Variants in TCF4 observed in about 807,000 individuals in gnomAD.
TCF4 encodes the protein transcription factor 4.
A neutral mutation model predicts 82.1 loss-of-function variants in TCF4; 3 were observed. That is an observed-to-expected ratio of 0.04 (90% CI 0.02 to 0.09). TCF4 has a LOEUF of 0.09. Ranked by LOEUF, TCF4 falls within the 10% of genes least tolerant of loss-of-function variation. TCF4 has a pLI of 1.00. For synonymous variants in TCF4, 276 were observed against 309.6 expected, an observed-to-expected ratio of 0.89 and a Z score of 1.14; for missense variants, 518 against 852.7, an observed-to-expected ratio of 0.61 and a Z score of 4.89.
intron 4 of TCF4, 130 bp downstream of exon 4, chr18:55,463,946 C>CTGTGTGTGTG (rs1491179811): frequency 3.2e-6 from 2 of 621,008 alleles, no homozygotes; most frequent in Admixed American, 2.9e-5. Flanking sequence ...ATGCCCATGC[C>CTGTGTGTGTG]TCTGTGTGTG....
chr18:55,302,632 C>T (rs776939273), intron 8 of TCF4: 11 of 1,502,070 alleles, frequency 7.3e-6, no homozygotes, highest in African/African-American at 4.1e-5. Flanking sequence ...AACTCAGACC[C>T]GCAGATGTCC....
chr18:55,336,256 C>T (rs1010055594), intron 8 of TCF4, among the ~76,000 whole-genome samples: 1 of 151,950 alleles, frequency 6.6e-6, no homozygotes, highest in Non-Finnish European at 1.5e-5. Context: ...AATACTTTTA[C>T]TTATTCTACA....
intron 3 of TCF4, among the ~76,000 whole-genome samples, chr18:55,504,460 A>C (rs534632717): frequency 1.3e-5 from 2 of 152,356 alleles, no homozygotes; most frequent in South Asian, 4.1e-4. Flanking sequence ...CAATCACTAA[A>C]GTTATCACAT....
intron 9 of TCF4, among the ~76,000 whole-genome samples, chr18:55,276,751 T>G (rs2061564189): frequency 6.6e-6 from 1 of 152,208 alleles, no homozygotes; most frequent in Admixed American, 6.5e-5. Flanking sequence ...ATAGCAGATA[T>G]TGCTTCCTTG....
At chr18:55,579,871 T>C (rs1349346831) in intron 3 of TCF4, among the ~76,000 whole-genome samples, 1 of 152,068 alleles carries the variant, frequency 6.6e-6, no homozygotes, top group Non-Finnish European at 1.5e-5. Context: ...GGAATAATTT[T>C]AAGCTCAAAA....
intron 3 of TCF4, among the ~76,000 whole-genome samples, chr18:55,575,015 C>T (rs2097515106): frequency 6.6e-6 from 1 of 152,222 alleles, no homozygotes. Flanking sequence ...TATGGACTAT[C>T]TCTCATCTTA....
At chr18:55,373,550 C>T (rs1227658501) in intron 6 of TCF4, among the ~76,000 whole-genome samples, 5 of 152,056 alleles carry the variant, frequency 3.3e-5, no homozygotes, top group Non-Finnish European at 5.9e-5. Flanking sequence ...CAGTGGCTCA[C>T]GCCTGTAATC....
chr18:55,280,998 T>C lies in TCF4; in HGVS notation c.550-1342A>G, dbSNP rs1267252322. On this transcript the variant is annotated intron_variant, in intron 8 of 19. Coordinates refer to ENST00000354452, the MANE Select transcript of TCF4 (RefSeq NM_001083962.2). ...TTGAAAATTGGGAGGTCCTGGAGCT[T>C]TAACAAAACAAAAACAAACCAGAAA... 2.0e-5 allele frequency among the ~76,000 whole-genome samples: 3 copies of C among 151,944 alleles called. No homozygotes were observed. In the East Asian group the frequency reaches 5.8e-4, roughly 29 times the overall value.
chr18:55,355,232 C>T (rs775253733), intron 6 of TCF4, among the ~76,000 whole-genome samples: 1 of 152,060 alleles, frequency 6.6e-6, no homozygotes, highest in Non-Finnish European at 1.5e-5. Context: ...AGGTATCTAC[C>T]AGACTTTGTG....
intron 3 of TCF4, among the ~76,000 whole-genome samples, chr18:55,486,969 C>T (rs536825964): frequency 6.6e-6 from 1 of 152,272 alleles, no homozygotes; most frequent in Admixed American, 6.5e-5. Flanking sequence ...AGCAAAGGTG[C>T]CCACTCCAAT....
rs538935360 is a variant in TCF4 at position 55,381,892 on chromosome 18, T to A, written c.369+21562A>T. On this transcript the variant is annotated intron_variant, in intron 6 of 19. Coordinates refer to ENST00000354452, the MANE Select transcript of TCF4 (RefSeq NM_001083962.2). Reference sequence around the variant, plus strand: ...GCTGGATTTGATGATCTTTAAGGTATCAACAAACTCTAGAAGGGTTTTTTT... The same window carrying A: ...GCTGGATTTGATGATCTTTAAGGTAACAACAAACTCTAGAAGGGTTTTTTT... Among the ~76,000 whole-genome samples the A allele has an allele frequency of 2.6e-5, 4 of 151,048 alleles. No individual in the cohort carries two copies. The East Asian group carries it at 7.7e-4, about 29-fold the overall frequency.
At chr18:55,577,769 C>T (rs2097542953) in intron 3 of TCF4, among the ~76,000 whole-genome samples, 1 of 152,072 alleles carries the variant, frequency 6.6e-6, no homozygotes, top group African/African-American at 2.4e-5. Flanking sequence ...CAAAGCAGAA[C>T]ATTCTAAGGG....
At chr18:55,254,464 A>T in intron 15 of TCF4, 33 bp downstream of exon 15, 1 of 1,580,238 alleles carries the variant, frequency 6.3e-7, no homozygotes, top group Non-Finnish European at 8.7e-7. Flanking sequence ...ACTCTATATG[A>T]TAACTATAGA....
chr18:55,304,046 T>C (rs1437239529), intron 8 of TCF4, among the ~76,000 whole-genome samples: 1 of 152,060 alleles, frequency 6.6e-6, no homozygotes, highest in African/African-American at 2.4e-5. Context: ...ACCAGTGAAA[T>C]CCAAAGAGTT....
chr18:55,324,697 C>A (rs2076263517), intron 8 of TCF4, among the ~76,000 whole-genome samples: 1 of 152,034 alleles, frequency 6.6e-6, no homozygotes, highest in South Asian at 2.1e-4. Flanking sequence ...CCCCCATGCC[C>A]AGCCTTGTTA....
intron 3 of TCF4, among the ~76,000 whole-genome samples, chr18:55,478,873 G>A (rs868589051): frequency 7.4e-6 from 1 of 134,928 alleles, no homozygotes; most frequent in Admixed American, 7.3e-5. Flanking sequence ...ACTTTAAGGT[G>A]AAAATTATAA....
At chr18:55,249,625 T>C (rs767451300) in intron 15 of TCF4, among the ~76,000 whole-genome samples, 2 of 152,232 alleles carry the variant, frequency 1.3e-5, no homozygotes, top group Admixed American at 1.3e-4. Context: ...CATCTTTTCC[T>C]ACTAGCCTGT....
intron 8 of TCF4, chr18:55,302,433 G>T: frequency 6.5e-7 from 1 of 1,536,250 alleles, no homozygotes. Flanking sequence ...TTCCCTTCGT[G>T]GTCCAGGCAA....
chr18:55,314,216 AC>A (rs1299394254), intron 8 of TCF4, among the ~76,000 whole-genome samples: 1 of 152,154 alleles, frequency 6.6e-6, no homozygotes, highest in Non-Finnish European at 1.5e-5. Flanking sequence ...CCCACATCAC[AC>A]AAAGGAAGCC....
Sources: allele counts gnomAD v4.1 joint callset (sites outside exome capture counted in the v4.1 genomes callset), GRCh38; gene constraint gnomAD v4.1.1; transcripts MANE v1.5; gene names NCBI Gene and HGNC (gene_info 2026-07-23, HGNC 2026-07-21).